CACNA2D3: variants seen among roughly 807,000 people sequenced by gnomAD.
The protein encoded by CACNA2D3 is calcium voltage-gated channel auxiliary subunit alpha2delta 3.
CACNA2D3 carries 60 observed loss-of-function variants against 160.6 expected under a neutral mutation model. The ratio of observed to expected loss-of-function variants is 0.37; its 90% CI spans 0.30 to 0.46. The LOEUF (loss-of-function observed/expected upper bound fraction) is 0.46, where lower values mean the gene tolerates loss of function less well. Ranked by LOEUF, CACNA2D3 falls within the 20% of genes least tolerant of loss-of-function variation. The pLI is 1.00. For missense variants in CACNA2D3, 1,205 were observed against 1,365.0 expected (o/e 0.88, Z 1.85); for synonymous variants, 558 against 492.9 (o/e 1.13, Z -1.75).
chr3:54,319,385 C>T (rs565876063), intron 2 of CACNA2D3, among the ~76,000 whole-genome samples: 35 of 152,138 alleles, frequency 2.3e-4, no homozygotes, highest in Admixed American at 7.2e-4. Context: ...AGATGTGGAG[C>T]CCCTTGATTT....
chr3:54,155,047 C>G (rs1224482511), intron 2 of CACNA2D3, among the ~76,000 whole-genome samples: 2 of 152,090 alleles, frequency 1.3e-5, no homozygotes, highest in Non-Finnish European at 2.9e-5. Context: ...GCTATGAAAA[C>G]AAAACAAGAG....
At chr3:54,366,015 G>A (rs1324094957) in intron 3 of CACNA2D3, among the ~76,000 whole-genome samples, 3 of 152,296 alleles carry the variant, frequency 2.0e-5, no homozygotes, top group African/African-American at 4.8e-5. Flanking sequence ...TAAGCCCAAG[G>A]TATCCAGGGA....
At chr3:54,736,445 G>A (rs1701534303) in intron 11 of CACNA2D3, among the ~76,000 whole-genome samples, 1 of 151,880 alleles carries the variant, frequency 6.6e-6, no homozygotes, top group African/African-American at 2.4e-5. Context: ...CCTAGAAGTA[G>A]GATTGCTGTG....
chr3:54,400,605 G>A (rs894098172), intron 4 of CACNA2D3, among the ~76,000 whole-genome samples: 8 of 152,312 alleles, frequency 5.3e-5, no homozygotes, highest in Admixed American at 3.9e-4. Flanking sequence ...CTACAGCCTA[G>A]TCTACCAGAC....
chr3:54,916,929 G>A (rs1182323625), intron 27 of CACNA2D3, among the ~76,000 whole-genome samples: 1 of 152,182 alleles, frequency 6.6e-6, no homozygotes, highest in Admixed American at 6.5e-5. Flanking sequence ...AGGCATCTGT[G>A]GTGCTGAGCT....
intron 27 of CACNA2D3, chr3:54,918,411 C>A: frequency 6.9e-7 from 1 of 1,439,924 alleles, no homozygotes; most frequent in Non-Finnish European, 9.4e-7. Flanking sequence ...CCTACTCAGA[C>A]ACTATCTTCT....
intron 9 of CACNA2D3, among the ~76,000 whole-genome samples, chr3:54,587,449 C>T (rs529480728): frequency 5.9e-5 from 9 of 151,890 alleles, no homozygotes; most frequent in Non-Finnish European, 7.4e-5. Flanking sequence ...CCCAGCTACT[C>T]GGTAGGTTGA....
intron 2 of CACNA2D3, among the ~76,000 whole-genome samples, chr3:54,315,405 C>T (rs1253415470): frequency 6.6e-6 from 1 of 152,208 alleles, no homozygotes; most frequent in Non-Finnish European, 1.5e-5. Context: ...GCCAATGTCT[C>T]CTGGTTTTGG....
chr3:54,141,354 T>C (rs1273927608), intron 2 of CACNA2D3, among the ~76,000 whole-genome samples: 1 of 152,160 alleles, frequency 6.6e-6, no homozygotes, highest in Non-Finnish European at 1.5e-5. Context: ...TTGAGCTCCC[T>C]GTGTATGTAT....
At chr3:54,556,058 AT>A (rs1192257338) in intron 5 of CACNA2D3, among the ~76,000 whole-genome samples, 1 of 152,162 alleles carries the variant, frequency 6.6e-6, no homozygotes, top group South Asian at 2.1e-4. Flanking sequence ...TTAAACTCAG[AT>A]TTTTAAAAGA....
chr3:54,684,693 T>G (rs1278395572), intron 11 of CACNA2D3, among the ~76,000 whole-genome samples: 1 of 152,116 alleles, frequency 6.6e-6, no homozygotes, highest in African/African-American at 2.4e-5. Context: ...CCTTTCACAT[T>G]TCCTGAGAAG....
At chr3:54,852,264 C>T (rs1699075314) in intron 17 of CACNA2D3, among the ~76,000 whole-genome samples, 1 of 152,224 alleles carries the variant, frequency 6.6e-6, no homozygotes, top group South Asian at 2.1e-4. Context: ...GGCCTGGAAA[C>T]TCTGCCTATT....
chr3:54,237,495 A>C (rs549297662), intron 2 of CACNA2D3, among the ~76,000 whole-genome samples: 17 of 152,214 alleles, frequency 1.1e-4, no homozygotes, highest in Non-Finnish European at 2.1e-4. Flanking sequence ...TGACTTGTAC[A>C]AATGAAATAC....
At chr3:54,216,320 G>A (rs1331138074) in intron 2 of CACNA2D3, among the ~76,000 whole-genome samples, 8 of 152,178 alleles carry the variant, frequency 5.3e-5, no homozygotes, top group African/African-American at 1.2e-4. Flanking sequence ...TACACTTCAC[G>A]TTTCAGTGAT....
chr3:54,283,251 T>G (rs1403990199), intron 2 of CACNA2D3, among the ~76,000 whole-genome samples: 1 of 152,204 alleles, frequency 6.6e-6, no homozygotes, highest in Non-Finnish European at 1.5e-5. Flanking sequence ...TTTCTGATCC[T>G]GGCAGGGACA....
intron 4 of CACNA2D3, among the ~76,000 whole-genome samples, chr3:54,496,179 T>A (rs1701199485): frequency 6.6e-6 from 1 of 152,222 alleles, no homozygotes; most frequent in Admixed American, 6.5e-5. Flanking sequence ...GAAGTGGAAT[T>A]GCTGGGTCAT....
intron 14 of CACNA2D3, among the ~76,000 whole-genome samples, chr3:54,835,487 G>A (rs1384138994): frequency 6.6e-6 from 1 of 152,174 alleles, no homozygotes; most frequent in African/African-American, 2.4e-5. Flanking sequence ...TCTATTAGAA[G>A]AACAAGGCAA....
intron 35 of CACNA2D3, among the ~76,000 whole-genome samples, chr3:55,050,427 T>C (rs1421040868): frequency 6.6e-6 from 1 of 151,528 alleles, no homozygotes; most frequent in Non-Finnish European, 1.5e-5. Context: ...TGTTGAATAT[T>C]GGCCCCCACT....
chr3:54,175,633 A>C (rs10154951), intron 2 of CACNA2D3, among the ~76,000 whole-genome samples: 23,214 of 148,722 alleles, frequency 0.16, 1,919 homozygotes, highest in South Asian at 0.22. Context: ...AAAAAAAAAA[A>C]AGCAGATTAA....
Sources: allele counts gnomAD v4.1 joint callset (sites outside exome capture counted in the v4.1 genomes callset), GRCh38; gene constraint gnomAD v4.1.1; transcripts MANE v1.5; gene names NCBI Gene and HGNC (gene_info 2026-07-23, HGNC 2026-07-21).